The following MEIG1 variants were observed in gnomAD, a reference collection of about 807,000 sequenced individuals.
The protein encoded by MEIG1 is meiosis expressed gene 1 protein homolog.
MEIG1 carries 12 observed loss-of-function variants against 11.3 expected under a neutral mutation model. That is an observed-to-expected ratio of 1.07 (90% CI 0.68 to 1.73). The LOEUF is 1.73. Among genes scored for constraint, MEIG1 ranks in the 40% most tolerant of loss-of-function variants. The pLI, the probability that MEIG1 is intolerant of heterozygous loss-of-function variation, is 0.00. For synonymous variants in MEIG1, 41 were observed against 33.2 expected (o/e 1.24, Z -0.81); for missense variants, 119 against 104.9 (o/e 1.13, Z -0.59).
At chr10:14,961,640 T>G (rs1398615573) in intron 1 of MEIG1, among the ~76,000 whole-genome samples, 1 of 113,224 alleles carries the variant, frequency 8.8e-6, no homozygotes, top group Non-Finnish European at 1.9e-5. Flanking sequence ...TCCGGCTAAT[T>G]TTTTTTTTTT....
downstream of MEIG1, among the ~76,000 whole-genome samples, chr10:14,977,503 A>G (rs1282622541): frequency 6.6e-6 from 1 of 151,974 alleles, no homozygotes; most frequent in Non-Finnish European, 1.5e-5. Context: ...CACTCCTATA[A>G]TGTCACAGGG....
At chr10:14,966,008 T>C (rs975321927) in intron 1 of MEIG1, among the ~76,000 whole-genome samples, 5 of 151,988 alleles carry the variant, frequency 3.3e-5, no homozygotes, top group Admixed American at 3.3e-4. Flanking sequence ...TAAAAACTAC[T>C]ATATTTAATG....
At chr10:14,973,041 TA>T (rs1481265006), downstream of MEIG1, among the ~76,000 whole-genome samples, 1 of 152,034 alleles carries the variant, frequency 6.6e-6, no homozygotes, top group Admixed American at 6.6e-5. Context: ...AATTTTTATA[TA>T]TTTAATAGAG....
intron 2 of MEIG1, among the ~76,000 whole-genome samples, chr10:14,968,188 C>T (rs1843109623): frequency 6.6e-6 from 1 of 151,996 alleles, no homozygotes; most frequent in South Asian, 2.1e-4. Flanking sequence ...TTAAAAATTC[C>T]TTTAAAAGTA....
At chr10:14,975,639 G>T (rs1051234486), downstream of MEIG1, among the ~76,000 whole-genome samples, 1 of 151,994 alleles carries the variant, frequency 6.6e-6, no homozygotes, top group African/African-American at 2.4e-5. Context: ...ATAACGCAGG[G>T]TGTGTACAGC....
downstream of MEIG1, among the ~76,000 whole-genome samples, chr10:14,975,946 G>A (rs555967204): frequency 2.3e-4 from 35 of 152,264 alleles, no homozygotes; most frequent in South Asian, 1.0e-3. Context: ...CAGAGGATGT[G>A]CACCCGTCTG....
chr10:14,956,279 G>A (rs983173883), upstream of MEIG1, among the ~76,000 whole-genome samples: 15 of 152,060 alleles, frequency 9.9e-5, no homozygotes, highest in African/African-American at 2.9e-4. Context: ...CACTGGATTC[G>A]AGTCTAAAGA....
At position 14,987,149 on chromosome 10, in the gene MEIG1, G is replaced by T. The variant is rs569966996; in HGVS notation, n.285+135G>T. 1.4e-5 allele frequency: 12 copies of T among 884,834 alleles called. No individual in the cohort carries two copies. In the Admixed American group the frequency reaches 2.3e-4, roughly 17 times the overall value. 54.8% of individuals were successfully genotyped at this position (884,834 alleles called of 1,614,324 possible). On this transcript the variant is annotated intron_variant and non_coding_transcript_variant, in intron 2 of 2. Coordinates refer to the MEIG1 transcript ENST00000467536. ...GAAAGACATCTGTGTCAGGCAGCCCGCATGAGAGATGACTCTGCTATGCGA... is the reference window on the plus strand; with the variant it reads ...GAAAGACATCTGTGTCAGGCAGCCCTCATGAGAGATGACTCTGCTATGCGA...
rs1390925755 is a variant in MEIG1 at position 14,966,530 on chromosome 10, T to C, written c.62T>C (p.Ile21Thr). ...VSHAKKWSEE[I>T]ENLYRFQQAG... ...CATGCCAAAAAATGGTCAGAAGAGATAGAAAATCTGTACAGATTTCAACAA... is the reference window on the plus strand; with the variant it reads ...CATGCCAAAAAATGGTCAGAAGAGACAGAAAATCTGTACAGATTTCAACAA... The change falls in exon 2 of 3, where the codon ATA (isoleucine) becomes ACA (threonine). Residue 21 changes from isoleucine to threonine, a missense_variant. Ile to Thr is a moderately conservative substitution (Grantham distance 89). Transcript: ENST00000407572. The C allele has an allele frequency of 5.0e-6, 8 of 1,612,924 alleles. No homozygotes were observed. The highest frequency in any genetic ancestry group is 1.3e-5 in the African/African-American group (1 of 74,966).
chr10:14,984,515 G>A (rs1409327260), intron 1 of MEIG1, among the ~76,000 whole-genome samples: 1 of 151,904 alleles, frequency 6.6e-6, no homozygotes, highest in Admixed American at 6.6e-5. Context: ...ACACCTTGTG[G>A]TCTTATTCTT....
chr10:14,985,034 T>G (rs759131850), intron 1 of MEIG1, among the ~76,000 whole-genome samples: 2 of 151,966 alleles, frequency 1.3e-5, no homozygotes, highest in Non-Finnish European at 2.9e-5. Context: ...TCGTATTGTC[T>G]TGAAGAGATG....
chr10:14,961,555 C>T (rs1004659520), intron 1 of MEIG1, among the ~76,000 whole-genome samples: 1 of 151,708 alleles, frequency 6.6e-6, no homozygotes, highest in African/African-American at 2.4e-5. Context: ...ACCGCAACCT[C>T]CGTCTCCTGG....
chr10:14,985,089 G>T (rs566508919), intron 1 of MEIG1, among the ~76,000 whole-genome samples: 45 of 151,924 alleles, frequency 3.0e-4, no homozygotes, highest in African/African-American at 1.0e-3. Flanking sequence ...GACATTATTC[G>T]TTATTTCCTC....
chr10:14,981,372 C>A (rs1450237052), intron 1 of MEIG1, among the ~76,000 whole-genome samples: 3 of 152,078 alleles, frequency 2.0e-5, no homozygotes, highest in Non-Finnish European at 2.9e-5. Flanking sequence ...GCTTGCTGAG[C>A]AAGTCCCTTC....
At chr10:14,969,560 C>T (rs1843126327) in intron 2 of MEIG1, among the ~76,000 whole-genome samples, 1 of 152,250 alleles carries the variant, frequency 6.6e-6, no homozygotes. Context: ...TTGGGCTGGG[C>T]ACAGTGGCTC....
At chr10:14,977,058 A>G (rs118182835), downstream of MEIG1, among the ~76,000 whole-genome samples, 476 of 152,008 alleles carry the variant, frequency 3.1e-3, 2 homozygotes, top group Non-Finnish European at 2.2e-3. Context: ...TCCTAGCGCA[A>G]TTTTACTTTT....
chr10:14,964,858 G>T (rs1360602363), intron 1 of MEIG1, among the ~76,000 whole-genome samples: 1 of 151,032 alleles, frequency 6.6e-6, no homozygotes, highest in African/African-American at 2.4e-5. Flanking sequence ...TGTGATCTCA[G>T]CTCACTGCAA....
chr10:14,962,112 A>T (rs1211672976), intron 1 of MEIG1, among the ~76,000 whole-genome samples: 1 of 152,116 alleles, frequency 6.6e-6, no homozygotes, highest in African/African-American at 2.4e-5. Flanking sequence ...CATTAAATGT[A>T]TTTTTTATCA....
chr10:14,980,615 C>T (rs1444694186), intron 1 of MEIG1, among the ~76,000 whole-genome samples: 1 of 152,146 alleles, frequency 6.6e-6, no homozygotes, highest in African/African-American at 2.4e-5. Context: ...TCTTGGCGCA[C>T]CCGACTGACC....
Sources: gnomAD v4.1 joint callset for allele counts (sites outside exome capture counted in the v4.1 genomes callset) on GRCh38, gnomAD v4.1.1 for gene constraint, MANE v1.5 for transcripts, NCBI Gene and HGNC (gene_info 2026-07-23, HGNC 2026-07-21) for gene names.